Variants in EXOC6B observed in about 807,000 individuals in gnomAD.
EXOC6B encodes the protein exocyst complex component 6B.
Under a neutral mutation model 113.5 loss-of-function variants are expected in EXOC6B, and 54 were observed. The observed-to-expected ratio is 0.48, with a 90% confidence interval of 0.38 to 0.60. The LOEUF (loss-of-function observed/expected upper bound fraction) is 0.60, where lower values mean the gene tolerates loss of function less well. Among genes scored for constraint, EXOC6B ranks in the 20% least tolerant of loss-of-function variants. The pLI, the probability that EXOC6B is intolerant of heterozygous loss-of-function variation, is 0.00. For synonymous variants in EXOC6B, 357 were observed against 339.0 expected, an observed-to-expected ratio of 1.05 and a Z score of -0.58; for missense variants, 797 against 977.5, an observed-to-expected ratio of 0.82 and a Z score of 2.46.
At chr2:72,452,536 A>C (rs1346227975) in intron 18 of EXOC6B, among the ~76,000 whole-genome samples, 1 of 152,164 alleles carries the variant, frequency 6.6e-6, no homozygotes, top group Non-Finnish European at 1.5e-5. Flanking sequence ...GTCATAAAAG[A>C]CCTCATGGGG....
chr2:72,706,941 G>A (rs1482654547), intron 6 of EXOC6B, among the ~76,000 whole-genome samples: 3 of 152,186 alleles, frequency 2.0e-5, no homozygotes, highest in Non-Finnish European at 2.9e-5. Flanking sequence ...TCCATGCTGT[G>A]AGGAAAAGTC....
At chr2:72,749,811 T>C (rs1681925628) in intron 1 of EXOC6B, among the ~76,000 whole-genome samples, 1 of 151,898 alleles carries the variant, frequency 6.6e-6, no homozygotes, top group Admixed American at 6.6e-5. Flanking sequence ...TTAACACTAG[T>C]ATGGTAGAAA....
chr2:72,451,821 G>A (rs753476434), intron 18 of EXOC6B, among the ~76,000 whole-genome samples: 9 of 152,090 alleles, frequency 5.9e-5, no homozygotes, highest in African/African-American at 1.4e-4. Flanking sequence ...GGGCAAGTAC[G>A]TACTGTGATT....
rs535408134 is a variant in EXOC6B at position 72,543,144 on chromosome 2, T to C, written c.915+16309A>G. ...GTGAGAGCACATGGAGTATGGTGTA[T>C]CTGGCGCATAAACTGTGAGTAAGCA... On this transcript the variant is annotated intron_variant, in intron 8 of 21. Coordinates refer to ENST00000272427, the MANE Select transcript of EXOC6B (RefSeq NM_015189.3). Among the ~76,000 whole-genome samples, 19 of 152,234 alleles carry C rather than the reference T, an allele frequency of 1.2e-4. 1 individual carries two copies. The highest frequency in any genetic ancestry group is 2.6e-4 in the Admixed American group (4 of 15,276).
At chr2:72,182,945 C>A in intron 21 of EXOC6B, 1 of 1,222,252 alleles carries the variant, frequency 8.2e-7, no homozygotes, top group Non-Finnish European at 1.0e-6. Context: ...CCATGGGAAA[C>A]AAAGTTAAAA....
At chr2:72,703,004 A>G (rs1250984901) in intron 6 of EXOC6B, among the ~76,000 whole-genome samples, 1 of 150,890 alleles carries the variant, frequency 6.6e-6, no homozygotes, top group Non-Finnish European at 1.5e-5. Context: ...GCCCATGCCT[A>G]TGTCCTGAAT....
chr2:72,293,064 G>A lies in EXOC6B; in HGVS notation c.2196+41883C>T, dbSNP rs111852398. 4.6e-3 allele frequency among the ~76,000 whole-genome samples: 697 copies of A among 152,244 alleles called. 2 individuals are homozygous for A. The highest frequency in any genetic ancestry group is 8.1e-3 in the Non-Finnish European group (549 of 67,992). ...AAAAAATGCCAGAAGTGGAATTGCT[G>A]ATTTGCATGGTTTGTAAACATATTT... On this transcript the variant is annotated intron_variant, in intron 20 of 21. Transcript: ENST00000272427.
chr2:72,190,601 C>G (rs745774661), intron 20 of EXOC6B, among the ~76,000 whole-genome samples: 9 of 152,190 alleles, frequency 5.9e-5, no homozygotes, highest in Non-Finnish European at 1.2e-4. Flanking sequence ...GATAACCAAT[C>G]TAGTTTCTCG....
chr2:72,327,685 A>G (rs1688205041), intron 20 of EXOC6B, among the ~76,000 whole-genome samples: 1 of 152,102 alleles, frequency 6.6e-6, no homozygotes, highest in African/African-American at 2.4e-5. Context: ...GTTAAATCAA[A>G]AAATGCCCTG....
intron 6 of EXOC6B, among the ~76,000 whole-genome samples, chr2:72,625,119 G>A (rs1008012052): frequency 4.0e-5 from 6 of 151,104 alleles, no homozygotes; most frequent in African/African-American, 1.2e-4. Context: ...GCAGAATCTC[G>A]CTATATTGTT....
Position 72,176,295 on chromosome 2 carries a change from G to GA in EXOC6B, c.*3039dup, listed in dbSNP as rs1677731522. On this transcript the variant is annotated 3_prime_UTR_variant, in exon 22 of 22. Coordinates refer to ENST00000272427, the MANE Select transcript of EXOC6B (RefSeq NM_015189.3). ...AAACAAAAAGGAAGAAGAAGAAGAA[G>GA]AAGAAGAGGCAATTGCAGTCAAGAG... The GA allele has an allele frequency of 6.6e-6, 1 of 151,254 alleles. No homozygotes were observed. Among genetic ancestry groups the GA allele is most frequent in the Non-Finnish European group, 1.5e-5 (1 of 67,852 alleles). The allele number at this position is 151,254 out of a possible 1,614,324, so 9.4% of individuals were successfully genotyped here. A position where few individuals can be genotyped will look rare whatever the true frequency, so the allele number is the denominator to read the frequency against.
intron 5 of EXOC6B, chr2:72,721,774 T>C (rs1680023711): frequency 6.6e-6 from 1 of 152,072 alleles, no homozygotes; most frequent in Admixed American, 6.5e-5. Context: ...TACAATATTG[T>C]TGAATGAAAA....
At chr2:72,229,983 T>C (rs1681503762) in intron 20 of EXOC6B, among the ~76,000 whole-genome samples, 1 of 152,016 alleles carries the variant, frequency 6.6e-6, no homozygotes, top group African/African-American at 2.4e-5. Flanking sequence ...GTTACCTAGT[T>C]AGAAAACCAA....
At chr2:72,277,792 C>A (rs371731365) in intron 20 of EXOC6B, among the ~76,000 whole-genome samples, 1 of 151,968 alleles carries the variant, frequency 6.6e-6, no homozygotes, top group East Asian at 1.9e-4. Flanking sequence ...CCATGCCTGG[C>A]CAAAAGTAGG....
chr2:72,356,202 C>T lies in EXOC6B; in HGVS notation c.2123-21182G>A, dbSNP rs115300021. ...TACTAGTATGTTCAGGTTCAGATAC[C>T]CAGGTTTCCAAAATAAATTTATTCA... On this transcript the variant is annotated intron_variant, in intron 19 of 21. Coordinates refer to ENST00000272427, the MANE Select transcript of EXOC6B (RefSeq NM_015189.3). Among the ~76,000 whole-genome samples the T allele has an allele frequency of 5.5e-3, 830 of 152,038 alleles. 6 individuals are homozygous for T. The highest frequency in any genetic ancestry group is 0.019 in the African/African-American group (802 of 41,498).
intron 15 of EXOC6B, among the ~76,000 whole-genome samples, chr2:72,493,310 CT>C: frequency 1.7e-5 from 1 of 58,362 alleles, no homozygotes; most frequent in Non-Finnish European, 3.6e-5. Flanking sequence ...TGTACCTTCT[CT>C]GTTTTTCTCC....
intron 6 of EXOC6B, among the ~76,000 whole-genome samples, chr2:72,632,555 A>C (rs1672540497): frequency 6.6e-6 from 1 of 152,196 alleles, no homozygotes; most frequent in South Asian, 2.1e-4. Flanking sequence ...CATTTAGTAA[A>C]AATAATTTAC....
intron 8 of EXOC6B, among the ~76,000 whole-genome samples, chr2:72,558,308 G>C (rs1703685341): frequency 6.6e-6 from 1 of 151,918 alleles, no homozygotes; most frequent in South Asian, 2.1e-4. Context: ...GAGAAAGAGA[G>C]AAGAAAAGAG....
intron 18 of EXOC6B, among the ~76,000 whole-genome samples, chr2:72,396,494 A>G (rs1453933981): frequency 6.6e-6 from 1 of 152,190 alleles, no homozygotes; most frequent in African/African-American, 2.4e-5. Flanking sequence ...CCAGAAAAAG[A>G]AGAGAAGCCA....
Sources: allele counts gnomAD v4.1 joint callset (sites outside exome capture counted in the v4.1 genomes callset), GRCh38; gene constraint gnomAD v4.1.1; transcripts MANE v1.5; gene names NCBI Gene and HGNC (gene_info 2026-07-23, HGNC 2026-07-21).